Variants in CASP10 observed in about 807,000 individuals in gnomAD.
CASP10 encodes caspase-10.
Under a neutral mutation model 48.5 loss-of-function variants are expected in CASP10, and 41 were observed. The observed-to-expected ratio is 0.85, with a 90% CI of 0.66 to 1.10. The LOEUF (loss-of-function observed/expected upper bound fraction) is 1.10, where lower values mean the gene tolerates loss of function less well. Among genes scored for constraint, CASP10 ranks in the 50% least tolerant of loss-of-function variants. CASP10 has a pLI of 0.00. For synonymous variants in CASP10, 232 were observed against 238.4 expected, an observed-to-expected ratio of 0.97 and a Z score of 0.25; for missense variants, 614 against 614.5, an observed-to-expected ratio of 1.00 and a Z score of 0.01.
chr2:201,216,228 G>T (rs1287106362), intron 9 of CASP10, among the ~76,000 whole-genome samples: 2 of 150,942 alleles, frequency 1.3e-5, no homozygotes, highest in Non-Finnish European at 2.9e-5. Context: ...AATTAGCCAG[G>T]TGTGGTGGCA....
chr2:201,195,940 G>A lies in CASP10; in HGVS notation c.676G>A (p.Ala226Thr). The change falls in exon 5 of 10, where the codon GCC becomes ACC. Residue 226 changes from alanine (A) to threonine (T), a missense_variant. Ala to Thr is a moderately conservative substitution (Grantham distance 58). Coordinates refer to ENST00000286186, the MANE Select transcript of CASP10 (RefSeq NM_032977.4). ...SQTDVKTFLEALPQESWQNKH... is the reference protein window; with the variant it reads ...SQTDVKTFLETLPQESWQNKH... ...AACAGATGTTAAGACATTCTTGGAA[G>A]CCTTACCGGTAGGTTCAGTGGTGTG... 1 of 1,611,544 alleles carries A rather than the reference G, an allele frequency of 6.2e-7. No individual in the cohort carries two copies. Among genetic ancestry groups the A allele is most frequent in the Admixed American group, 1.7e-5 (1 of 60,014 alleles).
chr2:201,194,231 C>T (rs917124519), intron 4 of CASP10, among the ~76,000 whole-genome samples: 59 of 152,006 alleles, frequency 3.9e-4, no homozygotes, highest in Non-Finnish European at 7.6e-4. Flanking sequence ...CGCTAAATAT[C>T]TGTGTTTTTC....
At chr2:201,197,240 G>T (rs1944831807) in intron 5 of CASP10, among the ~76,000 whole-genome samples, 1 of 151,934 alleles carries the variant, frequency 6.6e-6, no homozygotes, top group Non-Finnish European at 1.5e-5. Context: ...TCCTCCCAAA[G>T]TGCTGAGATT....
chr2:201,199,644 G>T (rs927607781), intron 5 of CASP10, among the ~76,000 whole-genome samples: 1 of 138,360 alleles, frequency 7.2e-6, no homozygotes, highest in Non-Finnish European at 1.5e-5. Context: ...GCATGATCTC[G>T]GCTCACTATA....
Position 201,219,600 on chromosome 2 carries a change from CTCT to C in CASP10, c.*1864_*1866del, listed in dbSNP as rs1945670582. 1.0e-6 allele frequency: 1 copy of C among 985,206 alleles called. No individual in the cohort carries two copies. Among genetic ancestry groups the C allele is most frequent in the African/African-American group, 1.7e-5 (1 of 57,184 alleles). 61.0% of individuals were successfully genotyped at this position (985,206 alleles called of 1,614,324 possible). A position where few individuals can be genotyped will look rare whatever the true frequency, so the allele number is the denominator to read the frequency against. On this transcript the variant is annotated 3_prime_UTR_variant, in exon 10 of 10. Transcript: ENST00000286186. The stretch of plus-strand genomic sequence containing the variant: ...TGAAGCTGTTCTCAGGATCACTGGG[CTCT>C]TCTTGGCAGAGGGGATGTCTGGCTT...
chr2:201,210,964 A>T (rs1380550867), intron 9 of CASP10, among the ~76,000 whole-genome samples: 2 of 152,186 alleles, frequency 1.3e-5, no homozygotes, highest in African/African-American at 2.4e-5. Context: ...TTTTTAATTG[A>T]TACTTCATAA....
chr2:201,207,991 G>C, intron 7 of CASP10, 84 bp from the exon 8 acceptor site: 1 of 883,672 alleles, frequency 1.1e-6, no homozygotes, highest in South Asian at 1.3e-5. Context: ...CTTCCTCACA[G>C]TGGATCCATT....
intron 2 of CASP10, chr2:201,186,357 T>A: frequency 2.0e-6 from 1 of 511,174 alleles, no homozygotes; most frequent in Non-Finnish European, 3.6e-6. Flanking sequence ...TCCCTTTGTT[T>A]TGCTTCTCAC....
chr2:201,227,963 C>T (rs1271077871), intron 9 of CASP10, among the ~76,000 whole-genome samples: 3 of 152,202 alleles, frequency 2.0e-5, no homozygotes, highest in Non-Finnish European at 4.4e-5. Context: ...GCTGGCATTC[C>T]TCCACTCTGA....
chr2:201,226,829 T>C lies in CASP10; in HGVS notation c.1416-2104T>C, dbSNP rs980909808. 2.0e-5 allele frequency among the ~76,000 whole-genome samples: 3 copies of C among 152,172 alleles called. No individual in the cohort carries two copies. The East Asian group carries it at 5.8e-4, about 29-fold the overall frequency. On this transcript the variant is annotated intron_variant, in intron 9 of 9. Coordinates refer to the CASP10 transcript ENST00000272879. Reference sequence around the variant, plus strand: ...CAATTAGAATTATTAGGCTGAACCATATGAAATTGCCATTCTTCTAGATCA... The same window carrying C: ...CAATTAGAATTATTAGGCTGAACCACATGAAATTGCCATTCTTCTAGATCA...
In CASP10 at chr2:201,194,067, CA is replaced by C. The variant is rs1944705331; in HGVS notation, c.577+954del. Among the ~76,000 whole-genome samples, 3 of 149,600 alleles carry C rather than the reference CA, an allele frequency of 2.0e-5. No homozygotes were observed. In the Admixed American group the frequency reaches 2.0e-4, roughly 10 times the overall value. ...ACTTCACATTCTCAGAAACTACTAT[CA>C]AAAAAGAACTTTATTTTCTTGTGTG... On this transcript the variant is annotated intron_variant, in intron 4 of 9. Transcript: ENST00000286186.
Position 201,219,701 on chromosome 2 carries a change from T to C in CASP10, c.*1960T>C. 3.1e-6 allele frequency: 3 copies of C among 982,560 alleles called. No individual in the cohort carries two copies. The highest frequency in any genetic ancestry group is 3.6e-6 in the Non-Finnish European group (3 of 829,438). The allele number at this position is 982,560 out of a possible 1,614,324, so 60.9% of individuals were successfully genotyped here. On this transcript the variant is annotated 3_prime_UTR_variant, in exon 10 of 10. Transcript: ENST00000286186. ...AAGATTTTGAGCATTTTTACGTACT[T>C]GAGCTTTTTTTTTTTTTTTTTTCAA...
intron 9 of CASP10, among the ~76,000 whole-genome samples, chr2:201,216,459 G>A (rs1945573653): frequency 6.6e-6 from 1 of 152,044 alleles, no homozygotes; most frequent in African/African-American, 2.4e-5. Flanking sequence ...TAATATTTCA[G>A]GTGAGACTAA....
Position 201,195,677 on chromosome 2 carries a change from A to AT in CASP10, c.578-155dup, listed in dbSNP as rs41363644. Among the ~76,000 whole-genome samples the AT allele has an allele frequency of 5.3e-3, 782 of 147,292 alleles. 9 individuals carry two copies. Among genetic ancestry groups the AT allele is most frequent in the African/African-American group, 0.018 (717 of 40,086 alleles). On this transcript the variant is annotated intron_variant, in intron 4 of 9. Coordinates refer to ENST00000286186, the MANE Select transcript of CASP10 (RefSeq NM_032977.4). ...CTTGAGCCTTGGTGTTTGCTTCAGT[A>AT]TTTTTTTTTTCTTTTTTTTGAGACG... is the stretch of plus-strand genomic sequence containing the variant.
At chr2:201,199,066 G>A (rs1365260218) in intron 5 of CASP10, among the ~76,000 whole-genome samples, 2 of 152,006 alleles carry the variant, frequency 1.3e-5, no homozygotes, top group Non-Finnish European at 2.9e-5. Context: ...ACTCACACTT[G>A]CTCTCTTTCT....
At chr2:201,209,041 CT>C (rs377760707) in intron 8 of CASP10, 28 bp from the exon 9 acceptor site, 170,235 of 1,155,804 alleles carry the variant, frequency 0.15, 25 homozygotes, top group East Asian at 0.2. Flanking sequence ...CTCTCTCTCT[CT>C]TTTTTTTTTT....
At chr2:201,198,755 T>C (rs1944902273) in intron 5 of CASP10, among the ~76,000 whole-genome samples, 1 of 150,560 alleles carries the variant, frequency 6.6e-6, no homozygotes, top group Non-Finnish European at 1.5e-5. Flanking sequence ...TTAGCCAGGA[T>C]GGTCTCAATC....
chr2:201,197,190 T>C (rs1944828837), intron 5 of CASP10, among the ~76,000 whole-genome samples: 1 of 151,934 alleles, frequency 6.6e-6, no homozygotes, highest in South Asian at 2.1e-4. Flanking sequence ...TTGCCCAGGC[T>C]GGTCTCAAAT....
chr2:201,187,439 T>A lies in CASP10; in HGVS notation c.348-267T>A, dbSNP rs41426646. 2.0e-3 allele frequency among the ~76,000 whole-genome samples: 299 copies of A among 152,136 alleles called. 1 individual carries two copies. Among genetic ancestry groups the A allele is most frequent in the African/African-American group, 6.1e-3 (252 of 41,508 alleles). ...ATTGTGTTTTATGCCTTTTTTTTTT[T>A]AAATATGCCTTCTTAGTGTGGTGAA... On this transcript the variant is annotated intron_variant, in intron 2 of 9. Coordinates refer to ENST00000286186, the MANE Select transcript of CASP10 (RefSeq NM_032977.4).
Sources: allele counts gnomAD v4.1 joint callset (sites outside exome capture counted in the v4.1 genomes callset), GRCh38; gene constraint gnomAD v4.1.1; transcripts MANE v1.5; gene names NCBI Gene and HGNC (gene_info 2026-07-23, HGNC 2026-07-21).